The following OXR1 variants were observed in gnomAD, a reference collection of about 807,000 sequenced individuals.
The protein encoded by OXR1 is oxidation resistance 1.
Under a neutral mutation model 104.6 loss-of-function variants are expected in OXR1, and 41 were observed. The observed-to-expected ratio is 0.39, with a 90% CI of 0.31 to 0.51. OXR1 has a LOEUF of 0.51. Among genes scored for constraint, OXR1 ranks in the 20% least tolerant of loss-of-function variants. OXR1 has a pLI of 0.77. For synonymous variants in OXR1, 348 were observed against 348.4 expected, an observed-to-expected ratio of 1.00 and a Z score of 0.01; for missense variants, 955 against 1,031.9, an observed-to-expected ratio of 0.93 and a Z score of 1.02.
At chr8:106,617,210 G>A (rs1821311782) in intron 3 of OXR1, among the ~76,000 whole-genome samples, 1 of 152,184 alleles carries the variant, frequency 6.6e-6, no homozygotes, top group African/African-American at 2.4e-5. Context: ...ACCACCTGAG[G>A]TCGGGAGTTC....
At chr8:106,409,984 TCA>T (rs921328006) in intron 2 of OXR1, among the ~76,000 whole-genome samples, 24 of 143,344 alleles carry the variant, frequency 1.7e-4, no homozygotes, top group African/African-American at 6.5e-4. Context: ...TTACAGGAAT[TCA>T]CACACACACA....
At chr8:106,535,720 G>GA (rs978477103) in intron 3 of OXR1, among the ~76,000 whole-genome samples, 2 of 151,946 alleles carry the variant, frequency 1.3e-5, no homozygotes, top group African/African-American at 4.8e-5. Flanking sequence ...TCATATAATA[G>GA]AAAAAAAGTA....
chr8:106,668,404 A>G (rs1826576431), intron 3 of OXR1, among the ~76,000 whole-genome samples: 1 of 152,222 alleles, frequency 6.6e-6, no homozygotes. Flanking sequence ...ATAATAATTT[A>G]ACTAAGAGTA....
intron 1 of OXR1, among the ~76,000 whole-genome samples, chr8:106,285,838 G>A (rs1812472851): frequency 1.3e-5 from 1 of 75,108 alleles, no homozygotes; most frequent in Admixed American, 1.2e-4. Context: ...TCTCTAGCAG[G>A]TTCTGTTTTT....
intron 3 of OXR1, among the ~76,000 whole-genome samples, chr8:106,674,918 CCT>C (rs1156386555): frequency 6.6e-6 from 1 of 152,140 alleles, no homozygotes; most frequent in African/African-American, 2.4e-5. Flanking sequence ...GTCAATTAAA[CCT>C]CTTTCCTTTC....
intron 3 of OXR1, among the ~76,000 whole-genome samples, chr8:106,519,889 G>A (rs934247765): frequency 2.0e-5 from 3 of 152,168 alleles, no homozygotes; most frequent in African/African-American, 7.2e-5. Context: ...AGCCCAGCAT[G>A]TCTTTGGCCT....
At chr8:106,502,271 A>G (rs943639968) in intron 2 of OXR1, among the ~76,000 whole-genome samples, 4 of 152,174 alleles carry the variant, frequency 2.6e-5, no homozygotes, top group African/African-American at 7.2e-5. Context: ...GGGGCCTCAC[A>G]GTTTTCTTTT....
intron 2 of OXR1, among the ~76,000 whole-genome samples, chr8:106,451,636 G>A (rs1586657605): frequency 6.6e-6 from 1 of 152,174 alleles, no homozygotes; most frequent in Non-Finnish European, 1.5e-5. Flanking sequence ...TTTTGAAATA[G>A]CGCAGAGACA....
At chr8:106,481,517 A>G (rs1269100429) in intron 2 of OXR1, among the ~76,000 whole-genome samples, 2 of 151,994 alleles carry the variant, frequency 1.3e-5, no homozygotes, top group African/African-American at 2.4e-5. Context: ...GCTGCTTTCT[A>G]TGTGAGCAGG....
At chr8:106,629,170 AT>A (rs1822449285) in intron 3 of OXR1, among the ~76,000 whole-genome samples, 1 of 152,298 alleles carries the variant, frequency 6.6e-6, no homozygotes, top group African/African-American at 2.4e-5. Context: ...GTGTGCTTAG[AT>A]AGTAAAATAA....
At chr8:106,653,586 T>C (rs1286880174) in intron 3 of OXR1, among the ~76,000 whole-genome samples, 1 of 151,972 alleles carries the variant, frequency 6.6e-6, no homozygotes, top group Non-Finnish European at 1.5e-5. Context: ...AGGAATAGAA[T>C]GGTGCTTCCT....
chr8:106,505,635 G>C (rs573458564), intron 2 of OXR1, among the ~76,000 whole-genome samples: 1 of 152,178 alleles, frequency 6.6e-6, no homozygotes, highest in Admixed American at 6.5e-5. Context: ...TTTCAGAGGA[G>C]ACTTAAAAAA....
chr8:106,468,425 AAAC>A (rs1309009849), intron 2 of OXR1, among the ~76,000 whole-genome samples: 1 of 151,908 alleles, frequency 6.6e-6, no homozygotes, highest in African/African-American at 2.4e-5. Context: ...CACACACAAA[AAAC>A]AACAACACTT....
intron 2 of OXR1, among the ~76,000 whole-genome samples, chr8:106,386,175 G>A (rs1817363639): frequency 6.6e-6 from 1 of 152,136 alleles, no homozygotes; most frequent in Non-Finnish European, 1.5e-5. Context: ...TGCTACTTAA[G>A]CTAGCTAGAT....
At chr8:106,726,522 TTAAG>T (rs1378399866) in intron 11 of OXR1, among the ~76,000 whole-genome samples, 1 of 152,196 alleles carries the variant, frequency 6.6e-6, no homozygotes, top group African/African-American at 2.4e-5. Context: ...TTGTTTCATA[TTAAG>T]TGTTTTGTAT....
At chr8:106,511,486 G>A (rs976770792) in intron 2 of OXR1, among the ~76,000 whole-genome samples, 3 of 151,994 alleles carry the variant, frequency 2.0e-5, no homozygotes, top group Non-Finnish European at 2.9e-5. Flanking sequence ...ACGAGTGTTC[G>A]GCCTTTGGGG....
At chr8:106,428,705 T>C (rs2130556506) in intron 2 of OXR1, among the ~76,000 whole-genome samples, 1 of 152,124 alleles carries the variant, frequency 6.6e-6, no homozygotes, top group Non-Finnish European at 1.5e-5. Flanking sequence ...GGATTAGAAC[T>C]TTGATATATT....
intron 3 of OXR1, among the ~76,000 whole-genome samples, chr8:106,558,722 T>C (rs573041839): frequency 6.6e-6 from 1 of 152,292 alleles, no homozygotes; most frequent in African/African-American, 2.4e-5. Context: ...CGAAAATCTT[T>C]TCCAAAATCA....
intron 2 of OXR1, among the ~76,000 whole-genome samples, chr8:106,390,244 C>A (rs1213245564): frequency 6.6e-6 from 1 of 152,084 alleles, no homozygotes; most frequent in African/African-American, 2.4e-5. Context: ...ATTTATTCCA[C>A]AAATATTATT....
Sources: allele counts gnomAD v4.1 joint callset (sites outside exome capture counted in the v4.1 genomes callset), GRCh38; gene constraint gnomAD v4.1.1; transcripts MANE v1.5; gene names NCBI Gene and HGNC (gene_info 2026-07-23, HGNC 2026-07-21).